Variants in PKHD1 observed in about 807,000 individuals in gnomAD.
The protein encoded by PKHD1 is fibrocystin.
In PKHD1, 291 loss-of-function variants were observed where a neutral mutation model predicts 412.0. That is an observed-to-expected ratio of 0.71 (90% CI 0.64 to 0.78). The LOEUF is 0.78. PKHD1 is among the 30% of genes least tolerant of loss of function. The probability of loss-of-function intolerance (pLI) is 0.00; values close to 1 mark genes in which losing one functional copy is unlikely to be tolerated. For missense variants in PKHD1, 4,825 were observed against 4,950.7 expected (o/e 0.97, Z 0.76); for synonymous variants, 1,777 against 1,821.5 (o/e 0.98, Z 0.62).
At chr6:51,750,793 T>C (rs1366517388) in intron 57 of PKHD1, among the ~76,000 whole-genome samples, 1 of 152,140 alleles carries the variant, frequency 6.6e-6, no homozygotes, top group African/African-American at 2.4e-5. Context: ...GCAATTTTTT[T>C]TGAGATGGAG....
At chr6:51,939,226 C>T (rs1472848114) in intron 36 of PKHD1, among the ~76,000 whole-genome samples, 1 of 150,988 alleles carries the variant, frequency 6.6e-6, no homozygotes, top group Non-Finnish European at 1.5e-5. Flanking sequence ...AGAACCCCCC[C>T]AACCCCTTCT....
chr6:51,811,342 G>T (rs1390512496), intron 52 of PKHD1, among the ~76,000 whole-genome samples: 1 of 152,004 alleles, frequency 6.6e-6, no homozygotes, highest in Non-Finnish European at 1.5e-5. Context: ...AAAAATTGGG[G>T]TGAAAATTTA....
chr6:51,727,186 C>CT (rs1027742857), intron 60 of PKHD1, among the ~76,000 whole-genome samples: 3 of 152,046 alleles, frequency 2.0e-5, no homozygotes, highest in Non-Finnish European at 2.9e-5. Flanking sequence ...GCATTTTAAA[C>CT]TTTTTTTTCT....
intron 27 of PKHD1, among the ~76,000 whole-genome samples, chr6:52,042,344 C>A (rs992423667): frequency 3.3e-5 from 5 of 152,200 alleles, no homozygotes; most frequent in African/African-American, 9.7e-5. Context: ...GGGCTTTATG[C>A]TCTAATGTTT....
intron 52 of PKHD1, among the ~76,000 whole-genome samples, chr6:51,804,773 G>A (rs1429052857): frequency 2.0e-5 from 3 of 152,086 alleles, no homozygotes; most frequent in Non-Finnish European, 2.9e-5. Context: ...GCGGGAAAGA[G>A]CTCCATACAT....
At chr6:51,961,303 C>CA (rs1791989338) in intron 35 of PKHD1, among the ~76,000 whole-genome samples, 1 of 152,164 alleles carries the variant, frequency 6.6e-6, no homozygotes, top group Admixed American at 6.6e-5. Flanking sequence ...CCAAGGTCAA[C>CA]AGTGCTAAGT....
At chr6:51,755,053 T>C (rs923008428) in intron 55 of PKHD1, 115 bp from the exon 56 acceptor site, 9 of 912,196 alleles carry the variant, frequency 9.9e-6, no homozygotes, top group South Asian at 5.3e-5. Context: ...CCAGAGAAAC[T>C]GAAATAGAAA....
At chr6:51,745,012 A>G (rs912691770) in intron 59 of PKHD1, among the ~76,000 whole-genome samples, 1 of 152,202 alleles carries the variant, frequency 6.6e-6, no homozygotes, top group African/African-American at 2.4e-5. Context: ...ATAAAGCCAA[A>G]CATGGCACTG....
At position 51,989,050 on chromosome 6, in the gene PKHD1, C is replaced by T. The variant is rs141060059; in HGVS notation, c.5751+21259G>A. ...TATTTCTCTACTCTTCCCAGAGTTGCTTTTGGAAGCGATATCTTTATATCC... is the reference window on the plus strand; with the variant it reads ...TATTTCTCTACTCTTCCCAGAGTTGTTTTTGGAAGCGATATCTTTATATCC... On this transcript the variant is annotated intron_variant, in intron 35 of 66. Transcript: ENST00000371117. 7.5e-3 allele frequency among the ~76,000 whole-genome samples: 1,149 copies of T among 152,314 alleles called. 14 individuals are homozygous for T. The highest frequency in any genetic ancestry group is 0.026 in the African/African-American group (1,064 of 41,548).
chr6:51,728,961 CT>C (rs1269170340), intron 60 of PKHD1, among the ~76,000 whole-genome samples: 2 of 152,152 alleles, frequency 1.3e-5, no homozygotes, highest in Non-Finnish European at 2.9e-5. Flanking sequence ...TGCATTTTGT[CT>C]ACAAAATTAT....
At chr6:51,660,684 C>T (rs1448226867) in intron 60 of PKHD1, among the ~76,000 whole-genome samples, 3 of 152,168 alleles carry the variant, frequency 2.0e-5, no homozygotes, top group South Asian at 2.1e-4. Context: ...TTACAAAAGA[C>T]GCAGATGAAC....
intron 60 of PKHD1, among the ~76,000 whole-genome samples, chr6:51,695,630 C>T (rs890317507): frequency 1.3e-5 from 2 of 152,128 alleles, no homozygotes; most frequent in African/African-American, 4.8e-5. Flanking sequence ...CACTCAAAAA[C>T]TGATACTCTT....
intron 55 of PKHD1, 39 bp from the exon 56 acceptor site, chr6:51,754,977 T>G: frequency 1.9e-6 from 3 of 1,551,138 alleles, no homozygotes; most frequent in Non-Finnish European, 2.7e-6. Context: ...ATACTAACAG[T>G]GCAGCACAAA....
Position 51,616,438 on chromosome 6 carries a change from G to A in PKHD1, c.*2643C>T. Reference sequence around the variant, plus strand: ...AACGATCTGAATAAATTTAGAGTTGGCCTACAGTGGTGCTCAAATTGGCTC... The same window carrying A: ...AACGATCTGAATAAATTTAGAGTTGACCTACAGTGGTGCTCAAATTGGCTC... On this transcript the variant is annotated 3_prime_UTR_variant, in exon 67 of 67. Transcript: ENST00000371117. The A allele has an allele frequency of 2.6e-6, 1 of 378,656 alleles. No individual in the cohort carries two copies. The highest frequency in any genetic ancestry group is 4.7e-6 in the Non-Finnish European group (1 of 213,864). The allele number at this position is 378,656 out of a possible 1,614,324, so 23.5% of individuals were successfully genotyped here.
intron 37 of PKHD1, among the ~76,000 whole-genome samples, chr6:51,920,390 G>C (rs770867917): frequency 1.3e-5 from 2 of 152,084 alleles, no homozygotes; most frequent in African/African-American, 2.4e-5. Context: ...TAATCATGTG[G>C]TTTTTGTCTT....
chr6:51,986,429 G>T (rs369186597), intron 35 of PKHD1, among the ~76,000 whole-genome samples: 2 of 152,144 alleles, frequency 1.3e-5, no homozygotes, highest in Non-Finnish European at 1.5e-5. Context: ...GGAAGTAGGG[G>T]CTACTGACAG....
chr6:51,890,928 G>T (rs1020147272), intron 43 of PKHD1, among the ~76,000 whole-genome samples: 16 of 152,318 alleles, frequency 1.1e-4, no homozygotes, highest in Middle Eastern at 3.4e-3. Context: ...CAGATGAAAA[G>T]ACTGAGATTA....
At chr6:51,786,678 A>T (rs1158844007) in intron 53 of PKHD1, among the ~76,000 whole-genome samples, 1 of 152,120 alleles carries the variant, frequency 6.6e-6, no homozygotes, top group East Asian at 1.9e-4. Flanking sequence ...AGCTCCCTCT[A>T]GGTTGGAAGA....
In PKHD1 at chr6:52,083,229, G is replaced by A; in HGVS notation, c.79C>T (p.Pro27Ser). 6.2e-7 allele frequency: 1 copy of A among 1,610,902 alleles called. No individual in the cohort carries two copies. Among genetic ancestry groups the A allele is most frequent in the Non-Finnish European group, 8.5e-7 (1 of 1,177,140 alleles). The change falls in exon 3 of 67, where the codon CCT becomes TCT. Residue 27 changes from proline (P) to serine (S), a missense_variant. Physicochemically the swap from Pro to Ser is moderately conservative, Grantham distance 74. Transcript: ENST00000371117. ...CCCCCTGCAAGGCTACCTTCTTCAG[G>A]TTCAATATGTAAACTCAGGTGACGT... ...AVRHLSLHIE[P>S]EEGSLAGGTW...
Sources: allele counts gnomAD v4.1 joint callset (sites outside exome capture counted in the v4.1 genomes callset), GRCh38; gene constraint gnomAD v4.1.1; transcripts MANE v1.5; gene names NCBI Gene and HGNC (gene_info 2026-07-23, HGNC 2026-07-21).